The following KDM5C variants were observed in gnomAD, a reference collection of about 807,000 sequenced individuals.
KDM5C encodes the protein lysine-specific demethylase 5C.
Under a neutral mutation model 110.6 loss-of-function variants are expected in KDM5C, and 16 were observed. The ratio of observed to expected loss-of-function variants is 0.14; its 90% CI spans 0.10 to 0.22. The LOEUF (loss-of-function observed/expected upper bound fraction) is 0.22, where lower values mean the gene tolerates loss of function less well. KDM5C is among the 10% of genes least tolerant of loss of function. The pLI, the probability that KDM5C is intolerant of heterozygous loss-of-function variation, is 1.00. For missense variants in KDM5C, 681 were observed against 1,300.9 expected (o/e 0.52, Z 7.33); for synonymous variants, 511 against 520.4 (o/e 0.98, Z 0.24).
chrX:53,190,875 T>C (rs1221196987), downstream of KDM5C, among the ~76,000 whole-genome samples: 1 of 111,734 alleles, frequency 8.9e-6, no homozygotes, highest in Non-Finnish European at 1.9e-5. Flanking sequence ...AGAGTGGCAG[T>C]GTGCTAAGCT....
Position 53,198,525 on chromosome X carries a change from G to A in KDM5C, c.2481C>T (p.Ser827=), listed in dbSNP as rs2073039501. ...NCLSEAEACV[S]RALGLVSGQE... is the part of the protein sequence containing the mutation. Reference sequence around the variant, plus strand: ...GGCCGCTGACCAGTCCCAGAGCTCGGGACACGCAAGCCTCTGCCTCACTCA... The same window carrying A: ...GGCCGCTGACCAGTCCCAGAGCTCGAGACACGCAAGCCTCTGCCTCACTCA... Residue 827 remains serine (S), a synonymous_variant, in exon 17 of 26, where the codon TCC becomes TCT. Coordinates refer to ENST00000375401, the MANE Select transcript of KDM5C (RefSeq NM_004187.5). 1 of 1,206,972 alleles carries A rather than the reference G, an allele frequency of 8.3e-7. No individual in the cohort carries two copies.
chrX:53,195,025 C>T lies in KDM5C; in HGVS notation c.3344G>A (p.Arg1115His), dbSNP rs202160290. The T allele has an allele frequency of 1.2e-5, 14 of 1,207,575 alleles. No individual in the cohort carries two copies. The highest frequency in any genetic ancestry group is 5.3e-5 in the South Asian group (3 of 56,198). The change falls in exon 22 of 26, where the codon CGC becomes CAC. Residue 1115 changes from arginine to histidine, a missense_variant. By Grantham distance (29) the Arg-to-His change is conservative (BLOSUM62 0). Around this residue, in one of 14 missense-constraint regions of KDM5C, gnomAD observed 66 missense variants for 162.9 expected, o/e 0.41. Transcript: ENST00000375401. Reference sequence around the variant, plus strand: ...CAGCTCCTTCTCCATCCACCGGCTGCGCTTGGTGCTGTCTGAGCCGGCATC... The same window carrying T: ...CAGCTCCTTCTCCATCCACCGGCTGTGCTTGGTGCTGTCTGAGCCGGCATC... ...CADAGSDSTK[R>H]SRWMEKELGL...
chrX:53,225,046 G>A lies in KDM5C; in HGVS notation c.-157C>T, dbSNP rs1029947519. The stretch of plus-strand genomic sequence containing the variant: ...GGGCCTAAGGGGGCGTGTGGCCGTC[G>A]TGCTCTGAGAGTCTCAGGCTGACTC... On this transcript the variant is annotated 5_prime_UTR_variant, in exon 1 of 26. In the 5' UTR this introduces an upstream ATG that the reference lacks. Transcript: ENST00000375401. The A allele has an allele frequency of 3.3e-6, 2 of 608,615 alleles. No individual in the cohort carries two copies. Among genetic ancestry groups the A allele is most frequent in the Non-Finnish European group, 4.9e-6 (2 of 407,602 alleles). 50.2% of individuals were successfully genotyped at this position (608,615 alleles called of 1,213,427 possible).
exon 26 of KDM5C, among the ~76,000 whole-genome samples, chrX:53,176,606 G>C (rs1241690011): frequency 2.7e-5 from 3 of 112,024 alleles, no homozygotes; most frequent in Non-Finnish European, 5.6e-5. Flanking sequence ...TCTCTGGGAG[G>C]CCTGATGGTT....
intron 25 of KDM5C, among the ~76,000 whole-genome samples, chrX:53,182,023 C>T (rs1471647945): frequency 9.0e-6 from 1 of 110,891 alleles, no homozygotes; most frequent in East Asian, 2.8e-4. Context: ...CCCCTGACCT[C>T]GTGATTAGCC....
chrX:53,215,639 G>C lies in KDM5C; in HGVS notation c.963+156C>G, dbSNP rs1343151629. On this transcript the variant is annotated intron_variant, in intron 7 of 25. Transcript: ENST00000375401. ...CTTTCTTGCTCTTTGTTCCATATGA[G>C]TTGGCTTTGTTTCCCCAATTAAGTG... The C allele has an allele frequency of 5.7e-6, 3 of 529,010 alleles. No individual in the cohort carries two copies. The East Asian group carries it at 1.1e-4, about 19-fold the overall frequency. The allele number at this position is 529,010 out of a possible 1,213,427, so 43.6% of individuals were successfully genotyped here.
Position 53,211,820 on chromosome X carries a change from G to A in KDM5C, c.1209C>T (p.Ser403=). 8.3e-7 allele frequency: 1 copy of A among 1,211,117 alleles called. No individual in the cohort carries two copies. The highest frequency in any genetic ancestry group is 1.1e-6 in the Non-Finnish European group (1 of 894,977). ...GCATGTTGAAGTAGTCAGCTTTAAA[G>A]GAGTCGGCCATCTCGCCAAAGCTCT... ...TLQSFGEMAD[S]FKADYFNMPV... is the part of the protein sequence containing the mutation. The change falls in exon 9 of 26, where the codon TCC becomes TCT. Residue 403 remains serine, a synonymous_variant. Coordinates refer to ENST00000375401, the MANE Select transcript of KDM5C (RefSeq NM_004187.5).
chrX:53,211,515 G>A lies in KDM5C; in HGVS notation c.1383C>T (p.His461=), dbSNP rs781974658. 4 of 1,211,591 alleles carry A rather than the reference G, an allele frequency of 3.3e-6. No individual in the cohort carries two copies. In the South Asian group the frequency reaches 5.3e-5, roughly 16 times the overall value. ...CACTCACCTCCTCTTCGGGGGTTAGGTGCCGTTTACTGTCACTGACAGGGA... is the reference window on the plus strand; with the variant it reads ...CACTCACCTCCTCTTCGGGGGTTAGATGCCGTTTACTGTCACTGACAGGGA... ...SGFPVSDSKR[H]LTPEEEEYAT... Residue 461 remains histidine (H), a synonymous_variant, in exon 10 of 26, where the codon CAC becomes CAT. Coordinates refer to ENST00000375401, the MANE Select transcript of KDM5C (RefSeq NM_004187.5).
chrX:53,225,021 G>C lies in KDM5C; in HGVS notation c.-132C>G. ...AAGCGGGGCAGCCGCCGCCCGCCGA[G>C]GGCCTAAGGGGGCGTGTGGCCGTCG... On this transcript the variant is annotated 5_prime_UTR_variant, in exon 1 of 26. Coordinates refer to ENST00000375401, the MANE Select transcript of KDM5C (RefSeq NM_004187.5). 2.6e-6 allele frequency: 2 copies of C among 766,534 alleles called. No individual in the cohort carries two copies. The highest frequency in any genetic ancestry group is 3.6e-6 in the Non-Finnish European group (2 of 549,304). The allele number at this position is 766,534 out of a possible 1,213,427, so 63.2% of individuals were successfully genotyped here. A position where few individuals can be genotyped will look rare whatever the true frequency, so the allele number is the denominator to read the frequency against.
Position 53,224,997 on chromosome X carries a change from A to G in KDM5C, c.-108T>C, listed in dbSNP as rs1602247596. The stretch of plus-strand genomic sequence containing the variant: ...GGCAATGCTCGGAGGCTAGGCCCTA[A>G]GCGGGGCAGCCGCCGCCCGCCGAGG... On this transcript the variant is annotated 5_prime_UTR_variant, in exon 1 of 26. Transcript: ENST00000375401. 1.0e-6 allele frequency: 1 copy of G among 971,746 alleles called. No homozygotes were observed. Among genetic ancestry groups the G allele is most frequent in the Non-Finnish European group, 1.4e-6 (1 of 740,008 alleles). The allele number at this position is 971,746 out of a possible 1,213,427, so 80.1% of individuals were successfully genotyped here.
At chrX:53,206,571 T>C (rs1410106835) in intron 12 of KDM5C, among the ~76,000 whole-genome samples, 1 of 111,151 alleles carries the variant, frequency 9.0e-6, no homozygotes, top group African/African-American at 3.3e-5. Context: ...ATAGGTACTT[T>C]TAAATTCTTT....
In KDM5C at chrX:53,211,515, G is replaced by C; in HGVS notation, c.1383C>G (p.His461Gln). 1 of 1,211,591 alleles carries C rather than the reference G, an allele frequency of 8.3e-7. No homozygotes were observed. ...CACTCACCTCCTCTTCGGGGGTTAGGTGCCGTTTACTGTCACTGACAGGGA... is the reference window on the plus strand; with the variant it reads ...CACTCACCTCCTCTTCGGGGGTTAGCTGCCGTTTACTGTCACTGACAGGGA... Reference protein sequence around the residue: ...SGFPVSDSKRHLTPEEEEYAT... With the variant: ...SGFPVSDSKRQLTPEEEEYAT... The change falls in exon 10 of 26, where the codon CAC becomes CAG. Residue 461 changes from histidine (H) to glutamine (Q), a missense_variant. His to Gln is a conservative substitution (Grantham distance 24, BLOSUM62 0). Around this residue, in one of 14 missense-constraint regions of KDM5C, gnomAD observed 41 missense variants for 205.9 expected, o/e 0.20. Transcript: ENST00000375401.
At chrX:53,213,208 C>T (rs1244167276) in intron 8 of KDM5C, among the ~76,000 whole-genome samples, 1 of 111,349 alleles carries the variant, frequency 9.0e-6, no homozygotes, top group Admixed American at 9.5e-5. Context: ...AAATAAATGT[C>T]CGTCTGGTCC....
At chrX:53,214,438 CCT>C (rs1482758615) in intron 8 of KDM5C, 4 of 373,141 alleles carry the variant, frequency 1.1e-5, no homozygotes, top group Middle Eastern at 7.3e-4. Flanking sequence ...CACAATTTAG[CCT>C]CTGTTTATAT....
Position 53,197,549 on chromosome X carries a change from G to T in KDM5C, c.2622+222C>A, listed in dbSNP as rs1474514623. On this transcript the variant is annotated intron_variant, in intron 18 of 25. Transcript: ENST00000375401. ...CCCCTCCTCCAGGAAACCTTACCTG[G>T]ACTCTGTATCCTATACCCATACCCT... 9.7e-6 allele frequency: 4 copies of T among 414,423 alleles called. No individual in the cohort carries two copies. The East Asian group carries it at 1.6e-4, about 17-fold the overall frequency. 34.2% of individuals were successfully genotyped at this position (414,423 alleles called of 1,213,427 possible). A position where few individuals can be genotyped will look rare whatever the true frequency, so the allele number is the denominator to read the frequency against.
rs1934615915 is a variant in KDM5C, at chrX:53,193,924, C to A, written c.4039-73G>T. ...AGGCCCTATTCCTCCTCCGCCAACC[C>A]CAAACTTGAGACCCTCCGCCTTCTG... On this transcript the variant is annotated intron_variant, in intron 23 of 25. Coordinates refer to ENST00000375401, the MANE Select transcript of KDM5C (RefSeq NM_004187.5). 2.8e-6 allele frequency: 3 copies of A among 1,061,654 alleles called. No homozygotes were observed. The East Asian group carries it at 9.3e-5, about 33-fold the overall frequency. The allele number at this position is 1,061,654 out of a possible 1,213,427, so 87.5% of individuals were successfully genotyped here.
At chrX:53,199,417 G>C (rs782500215) in intron 14 of KDM5C, among the ~76,000 whole-genome samples, 1 of 111,849 alleles carries the variant, frequency 8.9e-6, no homozygotes, top group East Asian at 2.8e-4. Context: ...GTAAGATCCA[G>C]ATCAGCAGAA....
At chrX:53,188,781 CCTT>C (rs1934314017), downstream of KDM5C, among the ~76,000 whole-genome samples, 1 of 111,789 alleles carries the variant, frequency 8.9e-6, no homozygotes, top group African/African-American at 3.3e-5. Context: ...TGGGCACTCT[CCTT>C]CTATCTCTAG....
chrX:53,217,579 A>C (rs1183225255), intron 4 of KDM5C, among the ~76,000 whole-genome samples: 1 of 112,059 alleles, frequency 8.9e-6, no homozygotes, highest in African/African-American at 3.2e-5. Context: ...TGATTTCTCT[A>C]TCAGTTAAAA....
Sources: gnomAD v4.1 joint callset for allele counts (sites outside exome capture counted in the v4.1 genomes callset) on GRCh38, gnomAD v4.1.1 for gene constraint, gnomAD v4.1.1 regional missense constraint, MANE v1.5 for transcripts, NCBI Gene and HGNC (gene_info 2026-07-23, HGNC 2026-07-21) for gene names.